The following SKIC3 variants were observed in gnomAD, a reference collection of about 807,000 sequenced individuals.
SKIC3 encodes the protein SKI3 subunit of superkiller complex.
chr5:95,523,986 T>G, the SKIC3 span: 1 of 783,978 alleles, frequency 1.3e-6, no homozygotes, highest in South Asian at 1.9e-5. Flanking sequence ...GATGTAAGAT[T>G]TAAAACAGAC....
the SKIC3 span, chr5:95,554,804 T>A: frequency 6.3e-6 from 1 of 158,414 alleles, no homozygotes; most frequent in African/African-American, 2.4e-5. Flanking sequence ...CAGTTCACGC[T>A]CTCGCCGAAC....
the SKIC3 span, chr5:95,516,496 T>C: frequency 2.4e-5 from 38 of 1,613,024 alleles, no homozygotes; most frequent in Admixed American, 3.3e-5. Context: ...ATTTTGAAGT[T>C]CTTTTTCATA....
the SKIC3 span, among the ~76,000 whole-genome samples, chr5:95,492,652 GAA>G: frequency 8.2e-5 from 4 of 48,834 alleles, no homozygotes; most frequent in African/African-American, 4.3e-4. Flanking sequence ...AAAAAAAAAA[GAA>G]AAAAAAAAAA....
chr5:95,530,023 A>G, the SKIC3 span: 1 of 1,586,036 alleles, frequency 6.3e-7, no homozygotes, highest in Non-Finnish European at 8.6e-7. Context: ...AAAGGCTCAA[A>G]GATAAATGCC....
At chr5:95,511,220 C>T in the SKIC3 span, among the ~76,000 whole-genome samples, 1 of 152,156 alleles carries the variant, frequency 6.6e-6, no homozygotes. Flanking sequence ...ACCATCCTGG[C>T]TAATACCGTG....
the SKIC3 span, chr5:95,513,194 A>G: frequency 9.2e-6 from 2 of 216,886 alleles, no homozygotes. Context: ...ATCTAATACC[A>G]CTATCTATTC....
At chr5:95,466,585 G>A in the SKIC3 span, among the ~76,000 whole-genome samples, 6 of 152,138 alleles carry the variant, frequency 3.9e-5, no homozygotes, top group Non-Finnish European at 7.4e-5. Context: ...ATCATATCCT[G>A]GTTTCAGGAA....
At chr5:95,517,244 T>G in the SKIC3 span, 2 of 1,613,344 alleles carry the variant, frequency 1.2e-6, no homozygotes, top group South Asian at 2.2e-5. Flanking sequence ...CTTTAGATGG[T>G]GCGACAGCAT....
the SKIC3 span, among the ~76,000 whole-genome samples, chr5:95,466,050 G>A: frequency 7.2e-5 from 11 of 152,096 alleles, no homozygotes; most frequent in South Asian, 4.1e-4. Context: ...CAGCTTTTAC[G>A]TTTCACCAAA....
chr5:95,531,658 A>C, the SKIC3 span, among the ~76,000 whole-genome samples: 1 of 152,186 alleles, frequency 6.6e-6, no homozygotes, highest in East Asian at 1.9e-4. Context: ...TTTATGGTTC[A>C]GTAGGTCTGT....
At chr5:95,464,439 G>T in the SKIC3 span, 1 of 579,342 alleles carries the variant, frequency 1.7e-6, no homozygotes, top group Non-Finnish European at 3.0e-6. Context: ...ATCAGGTTTG[G>T]AGTTAACAGA....
chr5:95,484,561 C>T, the SKIC3 span, among the ~76,000 whole-genome samples: 10 of 151,884 alleles, frequency 6.6e-5, no homozygotes, highest in Non-Finnish European at 1.0e-4. Flanking sequence ...TGCCTAGGCT[C>T]GTCTCAAACT....
the SKIC3 span, among the ~76,000 whole-genome samples, chr5:95,474,071 A>G: frequency 6.6e-6 from 1 of 152,092 alleles, no homozygotes; most frequent in African/African-American, 2.4e-5. Flanking sequence ...ATCCATCTTG[A>G]GTTAGTTTGT....
the SKIC3 span, chr5:95,494,819 A>G: frequency 2.9e-4 from 460 of 1,612,012 alleles, 1 homozygote; most frequent in Non-Finnish European, 3.6e-4. Flanking sequence ...GATGTTAGCC[A>G]ATTTTCCTGA....
chr5:95,502,869 A>G, the SKIC3 span: 11 of 1,612,764 alleles, frequency 6.8e-6, no homozygotes, highest in East Asian at 2.5e-4. Context: ...GTTGATGTCA[A>G]CTATACATAC....
chr5:95,469,784 C>T, the SKIC3 span: 1 of 1,614,028 alleles, frequency 6.2e-7, no homozygotes, highest in African/African-American at 1.3e-5. Flanking sequence ...TCATACCTTG[C>T]CCCCATTTTG....
the SKIC3 span, among the ~76,000 whole-genome samples, chr5:95,499,449 G>A: frequency 2.0e-5 from 3 of 152,108 alleles, no homozygotes; most frequent in South Asian, 6.2e-4. Context: ...CATACTTCCT[G>A]TGCAGCCTGC....
chr5:95,518,141 C>A, the SKIC3 span, among the ~76,000 whole-genome samples: 1 of 151,942 alleles, frequency 6.6e-6, no homozygotes, highest in Non-Finnish European at 1.5e-5. Flanking sequence ...ATAAAATATA[C>A]CAAATATATT....
the SKIC3 span, among the ~76,000 whole-genome samples, chr5:95,545,834 G>A: frequency 6.6e-6 from 1 of 152,018 alleles, no homozygotes; most frequent in Admixed American, 6.6e-5. Flanking sequence ...CTCAGTGCCT[G>A]TATTCATGTT....
Sources: gnomAD v4.1 joint callset for allele counts (sites outside exome capture counted in the v4.1 genomes callset) on GRCh38, gnomAD v4.1.1 for gene constraint, MANE v1.5 for transcripts, NCBI Gene and HGNC (gene_info 2026-07-23, HGNC 2026-07-21) for gene names.